NCAPH: variants seen among roughly 807,000 people sequenced by gnomAD.
The protein encoded by NCAPH is condensin complex subunit 2.
Under a neutral mutation model 85.5 loss-of-function variants are expected in NCAPH, and 38 were observed. The ratio of observed to expected loss-of-function variants is 0.44; its 90% CI spans 0.34 to 0.58. The LOEUF is 0.58. Among genes scored for constraint, NCAPH ranks in the 20% least tolerant of loss-of-function variants. The pLI, the probability that NCAPH is intolerant of heterozygous loss-of-function variation, is 0.01. For synonymous variants in NCAPH, 301 were observed against 335.1 expected, an observed-to-expected ratio of 0.90 and a Z score of 1.11; for missense variants, 789 against 916.6, an observed-to-expected ratio of 0.86 and a Z score of 1.80.
chr2:96,371,872 G>C (rs962370243), intron 17 of NCAPH, among the ~76,000 whole-genome samples: 3 of 152,140 alleles, frequency 2.0e-5, no homozygotes, highest in Non-Finnish European at 4.4e-5. Context: ...ACTCCCGTCT[G>C]GAGTCTGTTC....
chr2:96,366,876 CAAAAAAAAAAA>C (rs928006104), intron 14 of NCAPH, among the ~76,000 whole-genome samples: 1 of 37,570 alleles, frequency 2.7e-5, no homozygotes, highest in African/African-American at 1.1e-4. Flanking sequence ...GACTCCGTCT[CAAAAAAAAAAA>C]AAAAAAAAAA....
chr2:96,347,571 C>T (rs2064378623), intron 6 of NCAPH, among the ~76,000 whole-genome samples: 1 of 151,962 alleles, frequency 6.6e-6, no homozygotes, highest in East Asian at 1.9e-4. Context: ...TTGCTGATGA[C>T]TGAGTCTAGA....
At chr2:96,361,433 C>T (rs1485251918) in intron 12 of NCAPH, among the ~76,000 whole-genome samples, 6 of 151,894 alleles carry the variant, frequency 4.0e-5, no homozygotes, top group Non-Finnish European at 7.4e-5. Flanking sequence ...TGATCCAAGT[C>T]GAAGCGAGCC....
chr2:96,373,152 A>T, intron 17 of NCAPH, 140 bp from the exon 18 acceptor site: 1 of 696,858 alleles, frequency 1.4e-6, no homozygotes, highest in Non-Finnish European at 2.4e-6. Context: ...TGCAAATTAT[A>T]CTTGCTATGA....
intron 12 of NCAPH, among the ~76,000 whole-genome samples, chr2:96,361,682 C>T (rs934943376): frequency 1.3e-5 from 2 of 150,666 alleles, no homozygotes; most frequent in Non-Finnish European, 2.9e-5. Context: ...TTCTCCTACT[C>T]TCATGGAGTG....
chr2:96,364,332 GTTAGAC>G (rs1336628951), intron 12 of NCAPH, 143 bp from the exon 13 acceptor site: 3 of 565,412 alleles, frequency 5.3e-6, no homozygotes, highest in Admixed American at 3.1e-5. Context: ...GGAAAAGTCT[GTTAGAC>G]TTAGATGACT....
intron 15 of NCAPH, among the ~76,000 whole-genome samples, chr2:96,367,803 CAAATG>C: frequency 6.6e-6 from 1 of 152,270 alleles, no homozygotes; most frequent in East Asian, 1.9e-4. Context: ...TCAAAAAAGA[CAAATG>C]AAACAATCTT....
In NCAPH at chr2:96,373,488, G is replaced by A; in HGVS notation, c.*137G>A. 3 of 778,742 alleles carry A rather than the reference G, an allele frequency of 3.9e-6. No homozygotes were observed. The highest frequency in any genetic ancestry group is 5.1e-5 in the East Asian group (2 of 39,430). 48.2% of individuals were successfully genotyped at this position (778,742 alleles called of 1,614,324 possible). ...CTACCAACGTGCCTGTTTGTTTGTT[G>A]CTCTTTCCTTCTCTCCATCATAGTC... On this transcript the variant is annotated 3_prime_UTR_variant, in exon 18 of 18. Transcript: ENST00000240423.
chr2:96,352,151 C>T lies in NCAPH; in HGVS notation c.910+131C>T, dbSNP rs189320511. The T allele has an allele frequency of 5.5e-6, 5 of 915,056 alleles. No individual in the cohort carries two copies. The African/African-American group carries it at 8.4e-5, about 15-fold the overall frequency. 56.7% of individuals were successfully genotyped at this position (915,056 alleles called of 1,614,324 possible). A position where few individuals can be genotyped will look rare whatever the true frequency, so the allele number is the denominator to read the frequency against. ...TACCCAGAAGTTTCCTCTGGAATGCCAAATTGTGTATCCTTTTGGGAGTGC... is the reference window on the plus strand; with the variant it reads ...TACCCAGAAGTTTCCTCTGGAATGCTAAATTGTGTATCCTTTTGGGAGTGC... On this transcript the variant is annotated intron_variant, in intron 7 of 17. Coordinates refer to ENST00000240423, the MANE Select transcript of NCAPH (RefSeq NM_015341.5).
At chr2:96,347,527 A>T (rs2064377953) in intron 6 of NCAPH, among the ~76,000 whole-genome samples, 1 of 152,130 alleles carries the variant, frequency 6.6e-6, no homozygotes, top group South Asian at 2.1e-4. Flanking sequence ...GGTGGAGATA[A>T]TCCTCAGGAA....
In NCAPH at chr2:96,354,187, T is replaced by G. The variant is rs763710943; in HGVS notation, c.1007T>G (p.Val336Gly). ...AACCCTCTTTTGTCCCTCCAGTCTGTGTCGGCCCTGGTAGACAAGTTTAAG... is the reference window on the plus strand; with the variant it reads ...AACCCTCTTTTGTCCCTCCAGTCTGGGTCGGCCCTGGTAGACAAGTTTAAG... ...QWDSETHNES[V>G]SALVDKFKKN... Residue 336 changes from valine to glycine, a missense_variant, in exon 9 of 18, where the codon GTG becomes GGG. By Grantham distance (109) the Val-to-Gly change is moderately radical. Transcript: ENST00000240423. 2.5e-6 allele frequency: 4 copies of G among 1,613,342 alleles called. No homozygotes were observed. In the African/African-American group the frequency reaches 5.3e-5, roughly 22 times the overall value.
At chr2:96,352,805 A>G (rs1479503348) in intron 7 of NCAPH, among the ~76,000 whole-genome samples, 1 of 152,106 alleles carries the variant, frequency 6.6e-6, no homozygotes, top group African/African-American at 2.4e-5. Context: ...TCTTGCCTCA[A>G]TTTTGTTTAG....
At chr2:96,354,046 G>A in intron 8 of NCAPH, 137 bp from the exon 9 acceptor site, 1 of 807,846 alleles carries the variant, frequency 1.2e-6, no homozygotes, top group Admixed American at 2.2e-5. Flanking sequence ...GCAGGCAGGG[G>A]ATGGGAAAGG....
chr2:96,364,596 A>G lies in NCAPH; in HGVS notation c.1698+5A>G. 2 of 1,569,592 alleles carry G rather than the reference A, an allele frequency of 1.3e-6. No individual in the cohort carries two copies. The highest frequency in any genetic ancestry group is 2.2e-5 in the South Asian group (2 of 90,028). ...AACTTTTGCCCTGGATTACAGGTAA[A>G]GGGGGGAAAGGGGCTCTGTCCTCTC... On this transcript the variant is annotated splice_donor_5th_base_variant and intron_variant, in intron 13 of 17. Coordinates refer to ENST00000240423, the MANE Select transcript of NCAPH (RefSeq NM_015341.5).
rs1241727789 is a variant in NCAPH at position 96,376,813 on chromosome 2, G to T, written c.*3462G>T. Among the ~76,000 whole-genome samples, 1 of 152,012 alleles carries T rather than the reference G, an allele frequency of 6.6e-6. No individual in the cohort carries two copies. The highest frequency in any genetic ancestry group is 1.9e-4 in the East Asian group (1 of 5,188). ...TTTAAAAATGTTTTTTGGGGGAATT[G>T]GGGATCATTTATGGGTACCAAAAGA... is the stretch of plus-strand genomic sequence containing the variant. On this transcript the variant is annotated 3_prime_UTR_variant, in exon 18 of 18. Coordinates refer to ENST00000240423, the MANE Select transcript of NCAPH (RefSeq NM_015341.5).
chr2:96,367,226 T>C lies in NCAPH; in HGVS notation c.1882-31T>C, dbSNP rs1180434364. The C allele has an allele frequency of 8.9e-6, 13 of 1,466,808 alleles. No individual in the cohort carries two copies. The East Asian group carries it at 3.0e-4, about 33-fold the overall frequency. 90.9% of individuals were successfully genotyped at this position (1,466,808 alleles called of 1,614,324 possible). On this transcript the variant is annotated intron_variant, in intron 14 of 17. Transcript: ENST00000240423. Reference sequence around the variant, plus strand: ...TATGGTAAAAGTTTCTTTATTCTGCTTAGTTTTACTTTGTCATATACCTAT... The same window carrying C: ...TATGGTAAAAGTTTCTTTATTCTGCCTAGTTTTACTTTGTCATATACCTAT...
intron 9 of NCAPH, 86 bp downstream of exon 9, chr2:96,354,474 TTTTC>T: frequency 2.5e-6 from 3 of 1,182,912 alleles, no homozygotes; most frequent in South Asian, 4.6e-5. Context: ...ATTAAAAAAT[TTTTC>T]TTTCTTTTTT....
chr2:96,368,318 AT>A (rs1198267453), intron 15 of NCAPH, among the ~76,000 whole-genome samples: 2 of 152,186 alleles, frequency 1.3e-5, no homozygotes. Flanking sequence ...TTAAATATGA[AT>A]TTTGTGCTGC....
At chr2:96,353,487 T>C (rs1305400743) in intron 8 of NCAPH, 90 bp downstream of exon 8, 1 of 1,138,912 alleles carries the variant, frequency 8.8e-7, no homozygotes, top group Non-Finnish European at 1.3e-6. Context: ...GCATCATCTT[T>C]ATTTAGCCAG....
Sources: allele counts gnomAD v4.1 joint callset (sites outside exome capture counted in the v4.1 genomes callset), GRCh38; gene constraint gnomAD v4.1.1; transcripts MANE v1.5; gene names NCBI Gene and HGNC (gene_info 2026-07-23, HGNC 2026-07-21).